ANKRD36C: variants seen among roughly 807,000 people sequenced by gnomAD.
ANKRD36C encodes the protein ankyrin repeat domain-containing protein 36C.
A neutral mutation model predicts 276.4 loss-of-function variants in ANKRD36C; 61 were observed. The ratio of observed to expected loss-of-function variants is 0.22; its 90% confidence interval spans 0.18 to 0.27. ANKRD36C has a LOEUF of 0.27. Ranked by LOEUF, ANKRD36C falls within the 10% of genes least tolerant of loss-of-function variation. ANKRD36C has a pLI of 1.00. For missense variants in ANKRD36C, 1,447 were observed against 2,032.3 expected (o/e 0.71, Z 5.54); for synonymous variants, 483 against 680.1 (o/e 0.71, Z 4.51).
intron 24 of ANKRD36C, among the ~76,000 whole-genome samples, chr2:95,933,827 C>A (rs1163740417): frequency 6.6e-6 from 1 of 152,124 alleles, no homozygotes; most frequent in African/African-American, 2.4e-5. Context: ...GAACAGGCAA[C>A]CTACAGAACA....
At chr2:95,991,454 G>A (rs2104552080) in intron 1 of ANKRD36C, 58 bp downstream of exon 1, 1 of 1,538,642 alleles carries the variant, frequency 6.5e-7, no homozygotes, top group East Asian at 2.5e-5. Context: ...CCTGGAAAGG[G>A]GTACTTCTCC....
chr2:95,896,526 A>G (rs1265140873), intron 44 of ANKRD36C, among the ~76,000 whole-genome samples: 1 of 149,658 alleles, frequency 6.7e-6, no homozygotes, highest in Non-Finnish European at 1.5e-5. Context: ...TGAACAAGGA[A>G]GCAAATTTAT....
intron 22 of ANKRD36C, among the ~76,000 whole-genome samples, chr2:95,937,989 A>G (rs1245880993): frequency 6.6e-6 from 1 of 151,926 alleles, no homozygotes; most frequent in Non-Finnish European, 1.5e-5. Context: ...CATAAAACAA[A>G]ACAAAGATGA....
At chr2:95,914,871 C>T (rs958092104) in intron 38 of ANKRD36C, among the ~76,000 whole-genome samples, 2 of 151,510 alleles carry the variant, frequency 1.3e-5, no homozygotes, top group Non-Finnish European at 3.0e-5. Context: ...ACATAATATT[C>T]ATTATCTCTC....
At chr2:95,880,026 C>T (rs1676041154) in intron 58 of ANKRD36C, among the ~76,000 whole-genome samples, 1 of 139,522 alleles carries the variant, frequency 7.2e-6, no homozygotes, top group Non-Finnish European at 1.5e-5. Context: ...ACTAAAAATA[C>T]AAAATTAGCC....
chr2:95,857,945 T>C (rs2104256584), intron 61 of ANKRD36C, among the ~76,000 whole-genome samples: 1 of 151,924 alleles, frequency 6.6e-6, no homozygotes, highest in African/African-American at 2.4e-5. Flanking sequence ...GTTTCCACAA[T>C]CATTTATCTT....
intron 56 of ANKRD36C, among the ~76,000 whole-genome samples, chr2:95,881,020 T>C (rs1676066849): frequency 6.6e-6 from 1 of 152,242 alleles, no homozygotes; most frequent in Non-Finnish European, 1.5e-5. Flanking sequence ...GAAGGCTTTA[T>C]ACCAGTATAA....
Position 95,962,923 on chromosome 2 carries a change from T to C in ANKRD36C, c.800-376A>G, listed in dbSNP as rs536505395. Among the ~76,000 whole-genome samples, 35 of 152,130 alleles carry C rather than the reference T, an allele frequency of 2.3e-4. 1 individual carries two copies. In the Middle Eastern group the frequency reaches 0.014, roughly 59 times the overall value. The stretch of plus-strand genomic sequence containing the variant: ...GGTGGTACATGCTGTCACATGTCTT[T>C]AGTGCAAGAGATGAGAAGGAAATAC... On this transcript the variant is annotated intron_variant, in intron 6 of 66. Coordinates refer to ENST00000456556, the Ensembl canonical transcript of ANKRD36C.
chr2:95,923,141 G>A (rs796641212), intron 32 of ANKRD36C, among the ~76,000 whole-genome samples: 2 of 151,498 alleles, frequency 1.3e-5, no homozygotes, highest in East Asian at 2.0e-4. Context: ...TTAGCAATAC[G>A]ATGTGACGTC....
At chr2:95,966,615 C>T (rs943108050) in intron 6 of ANKRD36C, among the ~76,000 whole-genome samples, 4 of 152,044 alleles carry the variant, frequency 2.6e-5, no homozygotes, top group Admixed American at 6.6e-5. Flanking sequence ...CAAATTTGTT[C>T]TTTTTGCTTA....
At chr2:95,850,960 A>G (rs1675280136), downstream of ANKRD36C, among the ~76,000 whole-genome samples, 1 of 152,240 alleles carries the variant, frequency 6.6e-6, no homozygotes, top group Non-Finnish European at 1.5e-5. Context: ...TTTTAAAGCT[A>G]TGGAACATGA....
chr2:95,981,792 A>G (rs1321597184), intron 4 of ANKRD36C, among the ~76,000 whole-genome samples: 6 of 151,976 alleles, frequency 3.9e-5, no homozygotes, highest in Non-Finnish European at 5.9e-5. Flanking sequence ...TGTCTTCATT[A>G]AAGTAAAGTT....
chr2:95,886,044 A>T lies in ANKRD36C; in HGVS notation c.3163+4T>A. Reference sequence around the variant, plus strand: ...CATTACATTAAAGGTGTATTCCAAAATACCTGTCCCACGTATTTGTCCATC... The same window carrying T: ...CATTACATTAAAGGTGTATTCCAAATTACCTGTCCCACGTATTTGTCCATC... On this transcript the variant is annotated splice_donor_region_variant and intron_variant, in intron 52 of 66. Transcript: ENST00000456556. 6.2e-7 allele frequency: 1 copy of T among 1,608,172 alleles called. No homozygotes were observed. Among genetic ancestry groups the T allele is most frequent in the East Asian group, 2.2e-5 (1 of 44,674 alleles).
exon 62 of ANKRD36C, chr2:95,857,384 A>G (rs1675439397): frequency 6.2e-7 from 1 of 1,610,122 alleles, no homozygotes; most frequent in Non-Finnish European, 8.5e-7. Context: ...GTTTTGTCAC[A>G]TCAGCTTCTA....
chr2:95,986,751 C>T, exon 3 of ANKRD36C: 1 of 1,610,192 alleles, frequency 6.2e-7, no homozygotes, highest in East Asian at 2.2e-5. Context: ...TGACCTATAC[C>T]TCGCTGCATT....
At chr2:95,870,885 C>A (rs1675794095) in intron 59 of ANKRD36C, among the ~76,000 whole-genome samples, 2 of 151,924 alleles carry the variant, frequency 1.3e-5, no homozygotes, top group African/African-American at 4.8e-5. Context: ...GCCTCAGGAG[C>A]CGATGCAATC....
intron 49 of ANKRD36C, 34 bp from the exon 70 acceptor site, chr2:95,888,031 TA>T (rs759304127): frequency 4.4e-6 from 7 of 1,605,110 alleles, no homozygotes; most frequent in Non-Finnish European, 6.0e-6. Context: ...AATGAATACA[TA>T]AACTATGTTT....
At chr2:95,963,991 ATATATATATATATATATATATATGTG>A (rs1558658732) in intron 6 of ANKRD36C, among the ~76,000 whole-genome samples, 5,338 of 26,184 alleles carry the variant, frequency 0.2, 274 homozygotes, top group Non-Finnish European at 0.22. Flanking sequence ...ATATATATAT[ATATATATATATATATATATATATGTG>A]TGTGTGTGTC....
chr2:95,991,358 C>G lies in ANKRD36C; in HGVS notation c.197+154G>C, dbSNP rs562778766. 2.1e-3 allele frequency among the ~76,000 whole-genome samples: 228 copies of G among 108,934 alleles called. 8 individuals are homozygous for G. In the East Asian group the frequency reaches 0.058, roughly 28 times the overall value. 71.5% of individuals were successfully genotyped at this position (108,934 alleles called of 152,430 possible). A position where few individuals can be genotyped will look rare whatever the true frequency, so the allele number is the denominator to read the frequency against. On this transcript the variant is annotated intron_variant, in intron 1 of 66. Coordinates refer to ENST00000456556, the Ensembl canonical transcript of ANKRD36C. ...CCATATACCGCCACTCCCCAGGCCC[C>G]GCTCCACTCACTCCCACCCCAGCCA...
Sources: allele counts gnomAD v4.1 joint callset (sites outside exome capture counted in the v4.1 genomes callset), GRCh38; gene constraint gnomAD v4.1.1; transcripts MANE v1.5; gene names NCBI Gene and HGNC (gene_info 2026-07-23, HGNC 2026-07-21).